PTHLH: variants seen among roughly 807,000 people sequenced by gnomAD.
PTHLH encodes parathyroid hormone like hormone.
Under a neutral mutation model 18.6 loss-of-function variants are expected in PTHLH, and 5 were observed. The observed-to-expected ratio is 0.27, with a 90% CI of 0.14 to 0.56. PTHLH has a LOEUF of 0.56. PTHLH is among the 20% of genes least tolerant of loss of function. The probability of loss-of-function intolerance (pLI) is 0.92; values close to 1 mark genes in which losing one functional copy is unlikely to be tolerated. For missense variants in PTHLH, 207 were observed against 223.9 expected (o/e 0.92, Z 0.48); for synonymous variants, 90 against 94.0 (o/e 0.96, Z 0.25).
At chr12:27,968,299 G>A (rs548958409) in intron 4 of PTHLH, among the ~76,000 whole-genome samples, 1 of 152,252 alleles carries the variant, frequency 6.6e-6, no homozygotes, top group South Asian at 2.1e-4. Context: ...TAGACCACAA[G>A]CACGTATAAA....
At chr12:27,969,602 T>C in intron 3 of PTHLH, 86 bp from the exon 4 acceptor site, 1 of 1,176,358 alleles carries the variant, frequency 8.5e-7, no homozygotes, top group Non-Finnish European at 1.2e-6. Flanking sequence ...TAGCCCGCTC[T>C]CAAAAAGCCT....
chr12:27,960,717 CAAA>C (rs146277675), intron 5 of PTHLH, among the ~76,000 whole-genome samples: 12 of 96,114 alleles, frequency 1.2e-4, no homozygotes, highest in Admixed American at 3.6e-4. Flanking sequence ...GACTCTGTCT[CAAA>C]AAAAAAAAAA....
rs767065042 is a variant in PTHLH, at chr12:27,970,056, T to C, written c.-54A>G. Reference sequence around the variant, plus strand: ...TGGTGGGCTGGTTGCTTCCGGAAAGTTGATTCCACACACCCTGAGAACAAG... The same window carrying C: ...TGGTGGGCTGGTTGCTTCCGGAAAGCTGATTCCACACACCCTGAGAACAAG... On this transcript the variant is annotated 5_prime_UTR_variant, in exon 3 of 6. Transcript: ENST00000545234. 1 of 519,034 alleles carries C rather than the reference T, an allele frequency of 1.9e-6. No individual in the cohort carries two copies. The highest frequency in any genetic ancestry group is 3.8e-6 in the Non-Finnish European group (1 of 259,880). The allele number at this position is 519,034 out of a possible 1,614,324, so 32.2% of individuals were successfully genotyped here.
chr12:27,967,834 A>G (rs1464808222), intron 4 of PTHLH, among the ~76,000 whole-genome samples: 1 of 152,332 alleles, frequency 6.6e-6, no homozygotes, highest in Non-Finnish European at 1.5e-5. Context: ...TGCAACAAAG[A>G]AAGAGTTAAA....
intron 4 of PTHLH, among the ~76,000 whole-genome samples, chr12:27,967,978 A>G (rs2062831634): frequency 6.6e-6 from 1 of 152,068 alleles, no homozygotes; most frequent in Non-Finnish European, 1.5e-5. Context: ...CTCTGTTCCA[A>G]GGTAGTATTT....
chr12:27,963,894 G>A lies in PTHLH; in HGVS notation c.102-124C>T, dbSNP rs374868158. Reference sequence around the variant, plus strand: ...TCCACCGTAAGACACAAGCTGGATGGGTAGCAAGCTCATTGCGCAGGGAAG... The same window carrying A: ...TCCACCGTAAGACACAAGCTGGATGAGTAGCAAGCTCATTGCGCAGGGAAG... On this transcript the variant is annotated intron_variant, in intron 4 of 5. Coordinates refer to ENST00000545234, the MANE Select transcript of PTHLH (RefSeq NM_198965.2). The A allele has an allele frequency of 8.3e-6, 8 of 963,550 alleles. 2 individuals are homozygous for A. Among genetic ancestry groups the A allele is most frequent in the South Asian group, 7.9e-5 (5 of 63,690 alleles). The allele number at this position is 963,550 out of a possible 1,614,324, so 59.7% of individuals were successfully genotyped here.
chr12:27,964,790 T>C (rs1281014834), intron 4 of PTHLH, among the ~76,000 whole-genome samples: 1 of 152,248 alleles, frequency 6.6e-6, no homozygotes, highest in African/African-American at 2.4e-5. Flanking sequence ...TCAATCCTTT[T>C]AGATAACACC....
intron 5 of PTHLH, 42 bp from the exon 6 acceptor site, chr12:27,958,610 AG>A (rs972183742): frequency 6.5e-7 from 1 of 1,534,970 alleles, no homozygotes; most frequent in African/African-American, 1.4e-5. Flanking sequence ...AAAACAGGTT[AG>A]TTTTCTTTAC....
Position 27,969,599 on chromosome 12 carries a change from C to T in PTHLH, c.-22-83G>A, listed in dbSNP as rs1474607775. On this transcript the variant is annotated intron_variant, in intron 3 of 5. Coordinates refer to ENST00000545234, the MANE Select transcript of PTHLH (RefSeq NM_198965.2). ...TACTCCGCTCCCCCTTTTTAGCCCG[C>T]TCTCAAAAAGCCTCTTCAACATCAA... 5.1e-5 allele frequency: 63 copies of T among 1,236,068 alleles called. No individual in the cohort carries two copies. The South Asian group carries it at 7.2e-4, about 14-fold the overall frequency. The allele number at this position is 1,236,068 out of a possible 1,614,324, so 76.6% of individuals were successfully genotyped here. A position where few individuals can be genotyped will look rare whatever the true frequency, so the allele number is the denominator to read the frequency against.
rs763813704 is a variant in PTHLH, at chr12:27,971,322, A to G, written c.-266+605T>C. On this transcript the variant is annotated intron_variant, in intron 2 of 5. Coordinates refer to ENST00000545234, the MANE Select transcript of PTHLH (RefSeq NM_198965.2). ...GGGCGGGGAAGAAAGACTGCTCGGA[A>G]TTACTGGGTAGTATCATCTAGGAAA... Among the ~76,000 whole-genome samples, 12 of 152,130 alleles carry G rather than the reference A, an allele frequency of 7.9e-5. 1 individual carries two copies. The highest frequency in any genetic ancestry group is 8.8e-5 in the Non-Finnish European group (6 of 68,024).
Position 27,963,131 on chromosome 12 carries a change from G to A in PTHLH, c.524+217C>T, listed in dbSNP as rs984029675. The A allele has an allele frequency of 8.4e-6, 12 of 1,433,614 alleles. No individual in the cohort carries two copies. In the East Asian group the frequency reaches 2.8e-4, roughly 33 times the overall value. The allele number at this position is 1,433,614 out of a possible 1,614,324, so 88.8% of individuals were successfully genotyped here. A position where few individuals can be genotyped will look rare whatever the true frequency, so the allele number is the denominator to read the frequency against. ...TGGAGAAAGAGGAATGGGCTCTAGC[G>A]CCTCTCTATGGTGCTGGAGGACAGG... On this transcript the variant is annotated intron_variant, in intron 5 of 5. Coordinates refer to ENST00000545234, the MANE Select transcript of PTHLH (RefSeq NM_198965.2).
chr12:27,969,600 T>C, intron 3 of PTHLH, 84 bp from the exon 4 acceptor site: 1 of 1,218,316 alleles, frequency 8.2e-7, no homozygotes, highest in Non-Finnish European at 1.2e-6. Context: ...TTTAGCCCGC[T>C]CTCAAAAAGC....
chr12:27,961,738 GA>G, intron 5 of PTHLH: 1 of 484,624 alleles, frequency 2.1e-6, no homozygotes, highest in South Asian at 3.9e-5. Context: ...ATTGATTACT[GA>G]AGCTGTACTA....
At chr12:27,968,770 C>T (rs1451083595) in intron 4 of PTHLH, among the ~76,000 whole-genome samples, 2 of 152,176 alleles carry the variant, frequency 1.3e-5, no homozygotes, top group African/African-American at 4.8e-5. Context: ...AAAAAAGGTT[C>T]CACACCTAAA....
At position 27,963,770 on chromosome 12, in the gene PTHLH, G is replaced by T; in HGVS notation, c.102C>A (p.Leu34=). 1 of 1,613,926 alleles carries T rather than the reference G, an allele frequency of 6.2e-7. No homozygotes were observed. The highest frequency in any genetic ancestry group is 1.1e-5 in the South Asian group (1 of 91,022). ...GRSVEGLSRR[L]KRAVSEHQLL... ...GCTGATGTTCAGACACAGCTCTTTT[G>T]CTTTGAAAGAAAATATTAGAGGGGA... The change falls in exon 5 of 6, where the codon CTC becomes CTA. Residue 34 remains leucine, a splice_region_variant and synonymous_variant. Coordinates refer to ENST00000545234, the MANE Select transcript of PTHLH (RefSeq NM_198965.2).
chr12:27,967,449 T>C (rs1327062154), intron 4 of PTHLH, among the ~76,000 whole-genome samples: 1 of 152,178 alleles, frequency 6.6e-6, no homozygotes, highest in Non-Finnish European at 1.5e-5. Flanking sequence ...CGGGGAGTAA[T>C]ATGGTTTGAT....
Position 27,958,533 on chromosome 12 carries a change from T to A in PTHLH, c.*26A>T, listed in dbSNP as rs2062729696. 1 of 1,566,628 alleles carries A rather than the reference T, an allele frequency of 6.4e-7. No homozygotes were observed. The highest frequency in any genetic ancestry group is 8.7e-7 in the Non-Finnish European group (1 of 1,152,174). ...CACTATTACAGAATCCTGCAATATGTCCTTGGAAGGTCTCTGCTGAAAATT... is the reference window on the plus strand; with the variant it reads ...CACTATTACAGAATCCTGCAATATGACCTTGGAAGGTCTCTGCTGAAAATT... On this transcript the variant is annotated 3_prime_UTR_variant, in exon 6 of 6. Transcript: ENST00000545234.
rs1404387774 is a variant in PTHLH, at chr12:27,963,334, G to C, written c.524+14C>G. On this transcript the variant is annotated intron_variant, in intron 5 of 5. Transcript: ENST00000545234. Reference sequence around the variant, plus strand: ...AGCACCCCGCTGAGGCTACGGGCCAGAGAAGCCTGTTACCGTGAATCGAGC... The same window carrying C: ...AGCACCCCGCTGAGGCTACGGGCCACAGAAGCCTGTTACCGTGAATCGAGC... The C allele has an allele frequency of 6.2e-7, 1 of 1,614,248 alleles. No homozygotes were observed. Among genetic ancestry groups the C allele is most frequent in the Non-Finnish European group, 8.5e-7 (1 of 1,180,042 alleles).
intron 5 of PTHLH, among the ~76,000 whole-genome samples, chr12:27,960,384 T>C (rs73094037): frequency 5.8e-4 from 88 of 152,298 alleles, no homozygotes; most frequent in African/African-American, 1.6e-3. Flanking sequence ...GAATGGTTCA[T>C]GTGAGAGGAA....
Sources: allele counts gnomAD v4.1 joint callset (sites outside exome capture counted in the v4.1 genomes callset), GRCh38; gene constraint gnomAD v4.1.1; transcripts MANE v1.5; gene names NCBI Gene and HGNC (gene_info 2026-07-23, HGNC 2026-07-21).